Variants in MST1R observed in about 807,000 individuals in gnomAD.
The protein encoded by MST1R is macrophage-stimulating protein receptor.
Under a neutral mutation model 117.8 loss-of-function variants are expected in MST1R, and 99 were observed. The observed-to-expected ratio is 0.84, with a 90% CI of 0.71 to 0.99. MST1R has a LOEUF of 0.99. Among genes scored for constraint, MST1R ranks in the 50% least tolerant of loss-of-function variants. MST1R has a pLI of 0.00. For synonymous variants in MST1R, 734 were observed against 765.3 expected (o/e 0.96, Z 0.68); for missense variants, 1,683 against 1,840.2 (o/e 0.91, Z 1.56).
Position 49,902,520 on chromosome 3 carries a change from A to G in MST1R, c.1090T>C (p.Ser364Pro). The change falls in exon 1 of 20, where the codon TCT becomes CCT. Residue 364 changes from serine to proline, a missense_variant. Ser to Pro is a moderately conservative substitution (Grantham distance 74). Transcript: ENST00000296474. Reference sequence around the variant, plus strand: ...TCAATGGGGAAGGCACAGACGACAGAGTTGGGGCCCACGCCAGGACCACCA... The same window carrying G: ...TCAATGGGGAAGGCACAGACGACAGGGTTGGGGCCCACGCCAGGACCACCA... ...KDGGPGVGPN[S>P]VVCAFPIDLL... The G allele has an allele frequency of 1.2e-6, 2 of 1,614,124 alleles. No individual in the cohort carries two copies. The highest frequency in any genetic ancestry group is 1.7e-6 in the Non-Finnish European group (2 of 1,180,046).
Position 49,891,801 on chromosome 3 carries a change from GTCTA to G in MST1R, c.3305_3308del (p.Ile1102ThrfsTer14). 5 of 1,614,080 alleles carry G rather than the reference GTCTA, an allele frequency of 3.1e-6. No individual in the cohort carries two copies. The highest frequency in any genetic ancestry group is 4.2e-6 in the Non-Finnish European group (5 of 1,180,016). ...CACATTGGATTCGATTCTGGGCCTG[GTCTA>G]TGTATTCTCCGTGGTAGACAACTCC... On this transcript the variant is annotated frameshift_variant, in exon 15 of 20. Coordinates refer to ENST00000296474, the MANE Select transcript of MST1R (RefSeq NM_002447.4). LOFTEE classifies it high-confidence loss of function.
In MST1R at chr3:49,890,000, TG is replaced by T; in HGVS notation, c.3870del (p.His1290GlnfsTer30). 1 of 1,613,930 alleles carries T rather than the reference TG, an allele frequency of 6.2e-7. No homozygotes were observed. Among genetic ancestry groups the T allele is most frequent in the Non-Finnish European group, 8.5e-7 (1 of 1,179,916 alleles). On this transcript the variant is annotated frameshift_variant, in exon 19 of 20. Transcript: ENST00000296474. LOFTEE classifies it high-confidence loss of function. Reference sequence around the variant, plus strand: ...AAGTGGGTAAGGTCAAAAGGGTCAATGTGGCGGTATGGTGGGGCACCCCGTG... The same window carrying T: ...AAGTGGGTAAGGTCAAAAGGGTCAATTGGCGGTATGGTGGGGCACCCCGTG... Reference protein sequence around the residue: ...LLTRGAPPYRHIDPFDLTHFL... With the variant: ...LLTRGAPPYRXIDPFDLTHFL...
chr3:49,892,555 G>A (rs1010290975), intron 14 of MST1R, among the ~76,000 whole-genome samples: 4 of 151,730 alleles, frequency 2.6e-5, no homozygotes, highest in Admixed American at 6.6e-5. Context: ...GAAGCCAAGC[G>A]CAGTGCGCCT....
chr3:49,892,926 C>G (rs1016612886), intron 14 of MST1R, among the ~76,000 whole-genome samples: 30 of 151,914 alleles, frequency 2.0e-4, no homozygotes, highest in African/African-American at 7.2e-4. Flanking sequence ...CACTACTGCA[C>G]TCCAGCCTGG....
Position 49,903,542 on chromosome 3 carries a change from G to A in MST1R, c.68C>T (p.Ala23Val), listed in dbSNP as rs1330933197. ...GCGCGGGCACTGCCAGTCCTCGCCC[G>A]CCGCGGGCTTGGCAGGCAACAGCAG... ...LLLLLPAKPA[A>V]GEDWQCPRTP... Residue 23 changes from alanine (A) to valine (V), a missense_variant, in exon 1 of 20, where the codon GCG becomes GTG. By Grantham distance (64) the Ala-to-Val change is moderately conservative. Transcript: ENST00000296474. 8.8e-6 allele frequency: 14 copies of A among 1,599,642 alleles called. No homozygotes were observed. The East Asian group carries it at 3.1e-4, about 36-fold the overall frequency.
In MST1R at chr3:49,887,568, G is replaced by C. The variant is rs747312961; in HGVS notation, c.3948-6C>G. On this transcript the variant is annotated splice_polypyrimidine_tract_variant and splice_region_variant and intron_variant, in intron 19 of 19. Coordinates refer to ENST00000296474, the MANE Select transcript of MST1R (RefSeq NM_002447.4). ...ATTGCTGCATCACTTGGTACCTGTT[G>C]GGGGAAAGGGATGTCAGGTTAAGGC... The C allele has an allele frequency of 6.2e-7, 1 of 1,612,992 alleles. No homozygotes were observed. The highest frequency in any genetic ancestry group is 8.5e-7 in the Non-Finnish European group (1 of 1,179,346).
chr3:49,887,173 C>T lies in MST1R; in HGVS notation c.*134G>A. On this transcript the variant is annotated 3_prime_UTR_variant, in exon 20 of 20. Transcript: ENST00000296474. ...CTGTGGAGTGAGGGACCTAATGGGC[C>T]CCATTTACCTATTGCCTCTGAAAGT... 1.6e-6 allele frequency: 2 copies of T among 1,254,988 alleles called. No individual in the cohort carries two copies. Among genetic ancestry groups the T allele is most frequent in the Non-Finnish European group, 2.2e-6 (2 of 895,730 alleles). 77.7% of individuals were successfully genotyped at this position (1,254,988 alleles called of 1,614,324 possible).
In MST1R at chr3:49,897,662, A is replaced by G. The variant is rs1244592387; in HGVS notation, c.1904T>C (p.Val635Ala). ...KLRPVPRKDF[V>A]EEFECELEPL... is the part of the protein sequence containing the mutation. ...CTCCAGTTCACACTCAAACTCCTCTACAAAGTCTTTCCGGGGCACTGGTCT... is the reference window on the plus strand; with the variant it reads ...CTCCAGTTCACACTCAAACTCCTCTGCAAAGTCTTTCCGGGGCACTGGTCT... Residue 635 changes from valine (V) to alanine (A), a missense_variant, in exon 6 of 20, where the codon GTA (valine) becomes GCA (alanine). Coordinates refer to ENST00000296474, the MANE Select transcript of MST1R (RefSeq NM_002447.4). The G allele has an allele frequency of 2.5e-6, 4 of 1,613,356 alleles. No individual in the cohort carries two copies. In the African/African-American group the frequency reaches 4.0e-5, roughly 16 times the overall value.
intron 19 of MST1R, among the ~76,000 whole-genome samples, chr3:49,889,350 G>A (rs1022235691): frequency 1.3e-5 from 2 of 152,200 alleles, no homozygotes; most frequent in Non-Finnish European, 2.9e-5. Flanking sequence ...CACAGCCTGA[G>A]ACAGGAGGCG....
intron 1 of MST1R, 194 bp from the exon 2 acceptor site, chr3:49,899,457 G>A (rs2082596000): frequency 1.7e-6 from 1 of 601,978 alleles, no homozygotes; most frequent in Non-Finnish European, 2.9e-6. Context: ...CAGGGAGAAG[G>A]CCCAGGCTGG....
Position 49,903,688 on chromosome 3 carries a change from C to T in MST1R, c.-79G>A. On this transcript the variant is annotated 5_prime_UTR_variant, in exon 1 of 20. Transcript: ENST00000296474. ...CGTGGGCCTGGCTGGGGGCCCGACT[C>T]GAGGTCTGGACTGGGCCAAATTTAA... The T allele has an allele frequency of 1.3e-6, 2 of 1,501,614 alleles. No homozygotes were observed. Among genetic ancestry groups the T allele is most frequent in the Non-Finnish European group, 1.8e-6 (2 of 1,134,176 alleles). The allele number at this position is 1,501,614 out of a possible 1,614,324, so 93.0% of individuals were successfully genotyped here. A position where few individuals can be genotyped will look rare whatever the true frequency, so the allele number is the denominator to read the frequency against.
chr3:49,898,986 C>A lies in MST1R; in HGVS notation c.1429G>T (p.Val477Phe), dbSNP rs1179784947. The A allele has an allele frequency of 6.2e-7, 1 of 1,614,180 alleles. No individual in the cohort carries two copies. The highest frequency in any genetic ancestry group is 1.1e-5 in the South Asian group (1 of 91,088). ...TACAGCAAGTAGTTTAGTGACCTGA[C>A]CAGCTCCACCTAGGACAGGTCAGAT... is the stretch of plus-strand genomic sequence containing the variant. ...MDGRILQVELVRSLNYLLYVS... is the reference protein window; with the variant it reads ...MDGRILQVELFRSLNYLLYVS... The change falls in exon 3 of 20, where the codon GTC becomes TTC. Residue 477 changes from valine to phenylalanine, a missense_variant. Val to Phe is a conservative substitution (Grantham distance 50). Coordinates refer to ENST00000296474, the MANE Select transcript of MST1R (RefSeq NM_002447.4).
At position 49,902,912 on chromosome 3, in the gene MST1R, A is replaced by G; in HGVS notation, c.698T>C (p.Val233Ala). 2 of 1,613,494 alleles carry G rather than the reference A, an allele frequency of 1.2e-6. No homozygotes were observed. The highest frequency in any genetic ancestry group is 1.7e-6 in the Non-Finnish European group (2 of 1,180,038). ...ADASGFAPGF[V>A]ALSVLPKHLV... ...ATGCTTGGGCAGCACTGACAACGCCACAAAGCCCGGTGCGAATCCCGAGGC... is the reference window on the plus strand; with the variant it reads ...ATGCTTGGGCAGCACTGACAACGCCGCAAAGCCCGGTGCGAATCCCGAGGC... The change falls in exon 1 of 20, where the codon GTG becomes GCG. Residue 233 changes from valine (V) to alanine (A), a missense_variant. Coordinates refer to ENST00000296474, the MANE Select transcript of MST1R (RefSeq NM_002447.4).
intron 17 of MST1R, among the ~76,000 whole-genome samples, 188 bp from the exon 18 acceptor site, chr3:49,890,838 G>A (rs1223065938): frequency 3.3e-5 from 5 of 151,972 alleles, no homozygotes; most frequent in African/African-American, 9.7e-5. Context: ...CCATTCTCCC[G>A]CCTCAGCCTC....
intron 5 of MST1R, 167 bp from the exon 6 acceptor site, chr3:49,897,852 T>C: frequency 8.6e-7 from 1 of 1,158,430 alleles, no homozygotes. Flanking sequence ...CCTTGGCTGG[T>C]CCATGAGTGA....
rs967748060 is a variant in MST1R at position 49,897,628 on chromosome 3, G to A, written c.1938C>T (p.Gly646=). The change falls in exon 6 of 20, where the codon GGC becomes GGT. Residue 646 remains glycine (G), a synonymous_variant. Transcript: ENST00000296474. ...EEFECELEPL[G]TQAVGPTNVS... ...CGTTGGTAGGCCCCACTGCCTGGGT[G>A]CCCAAGGGCTCCAGTTCACACTCAA... 2 of 1,614,042 alleles carry A rather than the reference G, an allele frequency of 1.2e-6. No homozygotes were observed. Among genetic ancestry groups the A allele is most frequent in the Non-Finnish European group, 1.7e-6 (2 of 1,180,038 alleles).
At chr3:49,895,144 C>T (rs374191568) in intron 14 of MST1R, 23 bp downstream of exon 14, 9 of 1,612,864 alleles carry the variant, frequency 5.6e-6, no homozygotes, top group Non-Finnish European at 7.6e-6. Flanking sequence ...CATCTCTGCC[C>T]CAGCCCCACC....
intron 1 of MST1R, among the ~76,000 whole-genome samples, chr3:49,901,687 G>T (rs3774759): frequency 0.35 from 51,345 of 148,400 alleles, 9,349 homozygotes; most frequent in Non-Finnish European, 0.43. Flanking sequence ...TGAAGCCCAG[G>T]ACATGCAGGC....
chr3:49,890,223 T>A (rs950610623), intron 18 of MST1R, among the ~76,000 whole-genome samples, 163 bp from the exon 19 acceptor site: 1 of 152,072 alleles, frequency 6.6e-6, no homozygotes, highest in Non-Finnish European at 1.5e-5. Flanking sequence ...TTCCTCTGTC[T>A]CCTCCCACTA....
Sources: allele counts gnomAD v4.1 joint callset (sites outside exome capture counted in the v4.1 genomes callset), GRCh38; gene constraint gnomAD v4.1.1; transcripts MANE v1.5; gene names NCBI Gene and HGNC (gene_info 2026-07-23, HGNC 2026-07-21).